Variants in SLC6A5 observed in about 807,000 individuals in gnomAD.
The protein encoded by SLC6A5 is solute carrier family 6 member 5.
SLC6A5 carries 58 observed loss-of-function variants against 90.5 expected under a neutral mutation model. That is an observed-to-expected ratio of 0.64 (90% confidence interval 0.52 to 0.80). The LOEUF is 0.80. Among genes scored for constraint, SLC6A5 ranks in the 30% least tolerant of loss-of-function variants. SLC6A5 has a pLI of 0.00. For synonymous variants in SLC6A5, 427 were observed against 401.4 expected (o/e 1.06, Z -0.76); for missense variants, 1,015 against 1,017.6 (o/e 1.00, Z 0.03).
intron 14 of SLC6A5, among the ~76,000 whole-genome samples, chr11:20,651,744 C>A (rs1853536016): frequency 6.6e-6 from 1 of 151,868 alleles, no homozygotes; most frequent in Admixed American, 6.6e-5. Context: ...ACTGTCTCTA[C>A]TAAAAATACA....
intron 10 of SLC6A5, among the ~76,000 whole-genome samples, chr11:20,631,344 T>G (rs569624409): frequency 1.3e-5 from 2 of 152,324 alleles, no homozygotes; most frequent in South Asian, 4.1e-4. Context: ...ACCTGCAGTT[T>G]TTTTCCCCAG....
intron 13 of SLC6A5, among the ~76,000 whole-genome samples, chr11:20,646,536 A>T (rs149922960): frequency 7.4e-4 from 112 of 152,326 alleles, no homozygotes; most frequent in African/African-American, 2.6e-3. Flanking sequence ...GGTTGTAGCA[A>T]TGCTGAGAGT....
chr11:20,601,037 G>C, intron 1 of SLC6A5, 92 bp from the exon 2 acceptor site: 2 of 1,310,496 alleles, frequency 1.5e-6, no homozygotes, highest in Non-Finnish European at 2.1e-6. Context: ...ATTGTGTCTG[G>C]ACCTGAGTTG....
At chr11:20,645,074 AAAT>A (rs1170006698) in intron 13 of SLC6A5, among the ~76,000 whole-genome samples, 1 of 152,090 alleles carries the variant, frequency 6.6e-6, no homozygotes, top group African/African-American at 2.4e-5. Flanking sequence ...CGGCCTCCCA[AAAT>A]GCTGGGATTA....
intron 10 of SLC6A5, among the ~76,000 whole-genome samples, chr11:20,635,440 C>T (rs924815749): frequency 1.3e-5 from 2 of 152,012 alleles, no homozygotes; most frequent in Non-Finnish European, 2.9e-5. Flanking sequence ...ACTGATGTAG[C>T]CCCATTTATA....
chr11:20,608,871 A>G (rs1336911512), intron 5 of SLC6A5, among the ~76,000 whole-genome samples: 1 of 147,468 alleles, frequency 6.8e-6, no homozygotes, highest in Non-Finnish European at 1.5e-5. Context: ...TTTTTTCTGC[A>G]TTTTCTGCCA....
At position 20,637,075 on chromosome 11, in the gene SLC6A5, A is replaced by G. The variant is rs1590175020; in HGVS notation, c.1738-97A>G. ...CCATCCTAAAAACCAAACCTAACAC[A>G]AATACAACTTTCCTGGATGGGACAT... is the stretch of plus-strand genomic sequence containing the variant. On this transcript the variant is annotated intron_variant, in intron 11 of 15. Transcript: ENST00000525748. The G allele has an allele frequency of 3.0e-6, 4 of 1,337,520 alleles. No homozygotes were observed. The East Asian group carries it at 9.2e-5, about 31-fold the overall frequency. The allele number at this position is 1,337,520 out of a possible 1,614,324, so 82.9% of individuals were successfully genotyped here.
chr11:20,600,982 C>G (rs1255116136), intron 1 of SLC6A5, 147 bp from the exon 2 acceptor site: 1 of 741,714 alleles, frequency 1.3e-6, no homozygotes, highest in South Asian at 2.0e-5. Context: ...CTGATTGCAG[C>G]CTTTCTTTTA....
At chr11:20,620,992 A>G (rs961349705) in intron 7 of SLC6A5, among the ~76,000 whole-genome samples, 1 of 151,934 alleles carries the variant, frequency 6.6e-6, no homozygotes, top group Non-Finnish European at 1.5e-5. Flanking sequence ...TAGTAGAGAC[A>G]GGATTTCACC....
intron 5 of SLC6A5, among the ~76,000 whole-genome samples, chr11:20,608,533 G>A (rs1430394572): frequency 1.3e-5 from 2 of 152,232 alleles, no homozygotes; most frequent in East Asian, 3.8e-4. Context: ...TTGCTGTAAG[G>A]AGAAAAGAAA....
chr11:20,635,344 C>A, intron 10 of SLC6A5, among the ~76,000 whole-genome samples: 1 of 152,208 alleles, frequency 6.6e-6, no homozygotes, highest in South Asian at 2.1e-4. Context: ...GGATTTGGAC[C>A]AGATCTAACC....
chr11:20,620,698 T>A (rs1482972436), intron 7 of SLC6A5, among the ~76,000 whole-genome samples: 2 of 152,202 alleles, frequency 1.3e-5, no homozygotes, highest in Non-Finnish European at 2.9e-5. Context: ...CAAGGTAGAG[T>A]AAATTGCCTG....
chr11:20,606,179 A>G (rs983005489), intron 3 of SLC6A5, among the ~76,000 whole-genome samples: 3 of 152,234 alleles, frequency 2.0e-5, no homozygotes, highest in Admixed American at 2.0e-4. Context: ...AAGGGAAAGA[A>G]CCCTAGAGAA....
chr11:20,604,915 C>A (rs1007093811), intron 3 of SLC6A5, among the ~76,000 whole-genome samples: 1 of 152,128 alleles, frequency 6.6e-6, no homozygotes, highest in African/African-American at 2.4e-5. Context: ...GTGCCTGCCA[C>A]CCCCGCCTTC....
At chr11:20,640,162 G>A (rs1853285212) in intron 13 of SLC6A5, among the ~76,000 whole-genome samples, 1 of 152,176 alleles carries the variant, frequency 6.6e-6, no homozygotes, top group African/African-American at 2.4e-5. Flanking sequence ...TGTAAGCTGA[G>A]GTCACTAGAC....
At chr11:20,621,660 G>A (rs372758238) in intron 7 of SLC6A5, among the ~76,000 whole-genome samples, 1 of 152,346 alleles carries the variant, frequency 6.6e-6, no homozygotes, top group South Asian at 2.1e-4. Flanking sequence ...GAGCCAAGGT[G>A]GATGCGCAGC....
chr11:20,623,790 G>C (rs1852938247), intron 7 of SLC6A5, among the ~76,000 whole-genome samples: 1 of 151,994 alleles, frequency 6.6e-6, no homozygotes, highest in Admixed American at 6.6e-5. Context: ...CCCTCCATCT[G>C]AAATGTTCTC....
At chr11:20,620,527 T>A (rs1428498812) in intron 7 of SLC6A5, among the ~76,000 whole-genome samples, 1 of 152,208 alleles carries the variant, frequency 6.6e-6, no homozygotes, top group Non-Finnish European at 1.5e-5. Flanking sequence ...ATTGACTGGG[T>A]ATTGTGCCAC....
chr11:20,624,813 A>G (rs1310517306), intron 7 of SLC6A5, among the ~76,000 whole-genome samples: 2 of 152,198 alleles, frequency 1.3e-5, no homozygotes, highest in African/African-American at 2.4e-5. Context: ...GAGCGCTGTC[A>G]GTGTGATTAA....
Sources: gnomAD v4.1 joint callset for allele counts (sites outside exome capture counted in the v4.1 genomes callset) on GRCh38, gnomAD v4.1.1 for gene constraint, MANE v1.5 for transcripts, NCBI Gene and HGNC (gene_info 2026-07-23, HGNC 2026-07-21) for gene names.